Variants in SPTBN5 observed in about 807,000 individuals in gnomAD.
SPTBN5 encodes spectrin beta chain, non-erythrocytic 5.
In SPTBN5, 513 loss-of-function variants were observed where a neutral mutation model predicts 477.6. The ratio of observed to expected loss-of-function variants is 1.07; its 90% CI spans 1.00 to 1.16. The LOEUF (loss-of-function observed/expected upper bound fraction) is 1.16, where lower values mean the gene tolerates loss of function less well. Among genes scored for constraint, SPTBN5 ranks in the 50% most tolerant of loss-of-function variants. The probability of loss-of-function intolerance (pLI) is 0.00; values close to 1 mark genes in which losing one functional copy is unlikely to be tolerated. For synonymous variants in SPTBN5, 2,169 were observed against 2,011.7 expected (o/e 1.08, Z -2.09); for missense variants, 5,062 against 4,731.8 (o/e 1.07, Z -2.05).
chr15:41,872,549 A>C, intron 26 of SPTBN5, 90 bp from the exon 27 acceptor site: 2 of 1,376,972 alleles, frequency 1.5e-6, no homozygotes, highest in Non-Finnish European at 9.8e-7. Flanking sequence ...ACCAATCCTC[A>C]TCCATTCACC....
intron 7 of SPTBN5, among the ~76,000 whole-genome samples, chr15:41,884,108 C>A (rs906215039): frequency 3.9e-5 from 6 of 152,200 alleles, no homozygotes; most frequent in African/African-American, 1.4e-4. Context: ...GCCTCAGCAT[C>A]CCGAGTAGCT....
intron 4 of SPTBN5, 93 bp from the exon 5 acceptor site, chr15:41,888,178 G>T (rs951319764): frequency 1.1e-5 from 15 of 1,326,382 alleles, no homozygotes; most frequent in Non-Finnish European, 8.2e-6. Flanking sequence ...GGCCACAGCA[G>T]GATCCTGCTC....
intron 25 of SPTBN5, 40 bp from the exon 26 acceptor site, chr15:41,873,648 C>A: frequency 6.6e-7 from 1 of 1,513,916 alleles, no homozygotes; most frequent in Non-Finnish European, 9.0e-7. Context: ...GGATCTCAGA[C>A]AGGACCCTCC....
rs1253584079 is a variant in SPTBN5, at chr15:41,855,417, A to G, written c.9230T>C (p.Leu3077Pro). 1.9e-6 allele frequency: 3 copies of G among 1,603,692 alleles called. No individual in the cohort carries two copies. Among genetic ancestry groups the G allele is most frequent in the African/African-American group, 1.3e-5 (1 of 74,902 alleles). Residue 3077 changes from leucine to proline, a missense_variant, in exon 55 of 68, where the codon CTA becomes CCA. Transcript: ENST00000320955. ...CTCCCGAACTGCCTGCAGCTGGGCT[A>G]GCACCTTGGGGCTGTGGGAAGAGAG... ...SRKNPESPKV[L>P]AQLQAVREAH...
chr15:41,893,279 C>T lies in SPTBN5; in HGVS notation c.216+3G>A, dbSNP rs1448230367. The T allele has an allele frequency of 6.2e-7, 1 of 1,613,944 alleles. No individual in the cohort carries two copies. The highest frequency in any genetic ancestry group is 1.7e-5 in the Admixed American group (1 of 60,034). ...GCTGTGGGTCACAGCTGGCTATACTCACCTGGCCGCACTGGAAGACGTTAT... is the reference window on the plus strand; with the variant it reads ...GCTGTGGGTCACAGCTGGCTATACTTACCTGGCCGCACTGGAAGACGTTAT... On this transcript the variant is annotated splice_donor_region_variant and intron_variant, in intron 2 of 67. Transcript: ENST00000320955.
intron 63 of SPTBN5, 63 bp downstream of exon 63, chr15:41,851,716 C>T (rs946700306): frequency 1.8e-5 from 23 of 1,280,834 alleles, no homozygotes; most frequent in Middle Eastern, 2.6e-4. Flanking sequence ...GATGGCTCTT[C>T]GAGCCACTCA....
At position 41,853,243 on chromosome 15, in the gene SPTBN5, C is replaced by CAG. The variant is rs781750082; in HGVS notation, c.10170+14_10170+15insCT. 209 of 1,573,830 alleles carry CAG rather than the reference C, an allele frequency of 1.3e-4. 3 individuals are homozygous for CAG. The South Asian group carries it at 2.3e-3, about 17-fold the overall frequency. ...ATCCCCAGCCCAACCCCAGGCCCACCCTCTGAGTTCACACCTCCGCAGACA... is the reference window on the plus strand; with the variant it reads ...ATCCCCAGCCCAACCCCAGGCCCACCAGCTCTGAGTTCACACCTCCGCAGACA... On this transcript the variant is annotated intron_variant, in intron 59 of 67. Transcript: ENST00000320955.
chr15:41,867,167 C>T (rs1434667115), intron 35 of SPTBN5, 41 bp from the exon 36 acceptor site: 14 of 1,499,254 alleles, frequency 9.3e-6, no homozygotes, highest in Middle Eastern at 2.4e-4. Flanking sequence ...CCACCCTGGG[C>T]TGGGGCAGGG....
chr15:41,855,061 G>A, intron 55 of SPTBN5, 85 bp from the exon 56 acceptor site: 8 of 1,457,398 alleles, frequency 5.5e-6, no homozygotes, highest in South Asian at 1.4e-5. Flanking sequence ...AGACTCTGAT[G>A]GCTCTGAAAT....
At chr15:41,887,513 C>T (rs55913027) in intron 5 of SPTBN5, 72 bp from the exon 6 acceptor site, 39,235 of 1,176,600 alleles carry the variant, frequency 0.033, 1,337 homozygotes, top group East Asian at 0.18. Context: ...TTCTTAAATG[C>T]ACTCATGCTC....
rs763127348 is a variant in SPTBN5, at chr15:41,874,878, G to A, written c.4466C>T (p.Pro1489Leu). 30 of 1,611,516 alleles carry A rather than the reference G, an allele frequency of 1.9e-5. No homozygotes were observed. The highest frequency in any genetic ancestry group is 1.7e-4 in the Middle Eastern group (1 of 5,824). The change falls in exon 23 of 68, where the codon CCG becomes CTG. Residue 1489 changes from proline (P) to leucine (L), a missense_variant. Coordinates refer to ENST00000320955, the MANE Select transcript of SPTBN5 (RefSeq NM_016642.4). The part of the protein sequence containing the change: ...ASMAHGMAAS[P>L]AILEETQKHL... ...CTTCTGGGTCTCTTCCAGGATGGCC[G>A]GGGAGGCGGCCATGCCATGGGCCAT...
intron 4 of SPTBN5, 125 bp from the exon 5 acceptor site, chr15:41,888,210 T>A: frequency 1.1e-6 from 1 of 904,312 alleles, no homozygotes; most frequent in Non-Finnish European, 1.6e-6. Context: ...GGGGCCAGTG[T>A]GACTCTCCTC....
At chr15:41,872,239 G>C in intron 27 of SPTBN5, 63 bp downstream of exon 27, 1 of 1,549,302 alleles carries the variant, frequency 6.5e-7, no homozygotes, top group Non-Finnish European at 8.7e-7. Flanking sequence ...CCATGGCATG[G>C]GAACAGTCAG....
intron 3 of SPTBN5, 45 bp downstream of exon 3, chr15:41,892,849 C>T (rs750649775): frequency 6.5e-7 from 1 of 1,531,902 alleles, no homozygotes; most frequent in South Asian, 1.2e-5. Flanking sequence ...CCTGTCCCAG[C>T]TGCCTGCCCC....
intron 49 of SPTBN5, among the ~76,000 whole-genome samples, chr15:41,858,309 G>A (rs988861755): frequency 1.3e-5 from 2 of 151,834 alleles, no homozygotes; most frequent in African/African-American, 4.8e-5. Context: ...AAGTGGCTAT[G>A]TTTTGACTCC....
At position 41,878,435 on chromosome 15, in the gene SPTBN5, C is replaced by T. The variant is rs374900480; in HGVS notation, c.3377G>A (p.Arg1126His). 84 of 1,613,604 alleles carry T rather than the reference C, an allele frequency of 5.2e-5. No homozygotes were observed. The African/African-American group carries it at 8.0e-4, about 15-fold the overall frequency. ...CACATCCACTGACACCTCCTTGCTGCGCAGCTGAGCCTGGACACTCTCTGC... is the reference window on the plus strand; with the variant it reads ...CACATCCACTGACACCTCCTTGCTGTGCAGCTGAGCCTGGACACTCTCTGC... ...LWAESVQAQL[R>H]SKEVSVDVAS... is the part of the protein sequence containing the mutation. The change falls in exon 17 of 68, where the codon CGC becomes CAC. Residue 1126 changes from arginine to histidine, a missense_variant. Arg to His is a conservative substitution (Grantham distance 29, BLOSUM62 0). Coordinates refer to ENST00000320955, the MANE Select transcript of SPTBN5 (RefSeq NM_016642.4).
intron 23 of SPTBN5, 39 bp from the exon 24 acceptor site, chr15:41,874,517 G>A: frequency 6.6e-7 from 1 of 1,514,458 alleles, no homozygotes; most frequent in Non-Finnish European, 8.9e-7. Flanking sequence ...GTTGGGAACA[G>A]AGTGAGCACA....
Position 41,882,155 on chromosome 15 carries a change from G to T in SPTBN5, c.2248-10C>A, listed in dbSNP as rs1408321843. 6.4e-7 allele frequency: 1 copy of T among 1,561,044 alleles called. No individual in the cohort carries two copies. Among genetic ancestry groups the T allele is most frequent in the Non-Finnish European group, 8.6e-7 (1 of 1,163,680 alleles). On this transcript the variant is annotated splice_polypyrimidine_tract_variant and intron_variant, in intron 11 of 67. Transcript: ENST00000320955. ...CCGCGTCCGCGAAGTACTGTGGGAG[G>T]GGGTCGGGGGTGGTGTGGGTGAAGG...
At chr15:41,881,706 G>A (rs1222241263) in intron 12 of SPTBN5, among the ~76,000 whole-genome samples, 1 of 152,232 alleles carries the variant, frequency 6.6e-6, no homozygotes, top group Non-Finnish European at 1.5e-5. Context: ...GCCAGGCCAA[G>A]CTGTATTTGG....
Sources: gnomAD v4.1 joint callset for allele counts (sites outside exome capture counted in the v4.1 genomes callset) on GRCh38, gnomAD v4.1.1 for gene constraint, MANE v1.5 for transcripts, NCBI Gene and HGNC (gene_info 2026-07-23, HGNC 2026-07-21) for gene names.